The following UNC13D variants were observed in gnomAD, a reference collection of about 807,000 sequenced individuals.
UNC13D encodes protein unc-13 homolog D.
UNC13D carries 115 observed loss-of-function variants against 151.7 expected under a neutral mutation model. The ratio of observed to expected loss-of-function variants is 0.76; its 90% CI spans 0.65 to 0.88. The LOEUF is 0.88. Among genes scored for constraint, UNC13D ranks in the 40% least tolerant of loss-of-function variants. The probability of loss-of-function intolerance (pLI) is 0.00; values close to 1 mark genes in which losing one functional copy is unlikely to be tolerated. For missense variants in UNC13D, 1,369 were observed against 1,438.7 expected, an observed-to-expected ratio of 0.95 and a Z score of 0.78; for synonymous variants, 588 against 612.2, an observed-to-expected ratio of 0.96 and a Z score of 0.58.
In UNC13D at chr17:75,840,371, A is replaced by T. The variant is rs1279204632; in HGVS notation, c.754-42T>A. On this transcript the variant is annotated intron_variant, in intron 9 of 31. Coordinates refer to ENST00000207549, the MANE Select transcript of UNC13D (RefSeq NM_199242.3). This position sits in a 1 kb window ranked among gnomAD's most constrained non-coding sequence, Gnocchi z 4.6. ...CCCAGCCCGTGAGCGTCAGAACCTCATAGAGTCGGGGCAGCGGAGGCGACA... is the reference window on the plus strand; with the variant it reads ...CCCAGCCCGTGAGCGTCAGAACCTCTTAGAGTCGGGGCAGCGGAGGCGACA... The T allele has an allele frequency of 6.2e-7, 1 of 1,609,938 alleles. No individual in the cohort carries two copies. Among genetic ancestry groups the T allele is most frequent in the Non-Finnish European group, 8.5e-7 (1 of 1,177,466 alleles).
intron 12 of UNC13D, among the ~76,000 whole-genome samples, chr17:75,838,064 G>A (rs1345989490): frequency 1.3e-5 from 2 of 152,176 alleles, no homozygotes; most frequent in South Asian, 2.1e-4. Flanking sequence ...TCACCCACCT[G>A]CCTGAGGTCC....
chr17:75,827,382 T>G lies in UNC13D; in HGVS notation c.*583A>C. ...TGTGCCAGCCCTGCCGCCTGCCAGC[T>G]CTTGCTCCCTCAGAGCCAGAAGGTT... On this transcript the variant is annotated 3_prime_UTR_variant, in exon 32 of 32. Coordinates refer to ENST00000207549, the MANE Select transcript of UNC13D (RefSeq NM_199242.3). 7.4e-7 allele frequency: 1 copy of G among 1,346,988 alleles called. No homozygotes were observed. The highest frequency in any genetic ancestry group is 9.7e-7 in the Non-Finnish European group (1 of 1,035,102). 83.4% of individuals were successfully genotyped at this position (1,346,988 alleles called of 1,614,324 possible). A position where few individuals can be genotyped will look rare whatever the true frequency, so the allele number is the denominator to read the frequency against.
Position 75,835,401 on chromosome 17 carries a change from GC to G in UNC13D, c.1848+7del. ...GGGCCCCGCCCCCTGCCCTGGCCAC[GC>G]CCCCACCTCATCCATCTGCACAGCG... On this transcript the variant is annotated splice_region_variant and intron_variant, in intron 20 of 31. Transcript: ENST00000207549. 1 of 1,610,560 alleles carries G rather than the reference GC, an allele frequency of 6.2e-7. No homozygotes were observed. Among genetic ancestry groups the G allele is most frequent in the South Asian group, 1.1e-5 (1 of 90,972 alleles).
Position 75,827,872 on chromosome 17 carries a change from G to A in UNC13D, c.*93C>T. On this transcript the variant is annotated 3_prime_UTR_variant, in exon 32 of 32. Coordinates refer to ENST00000207549, the MANE Select transcript of UNC13D (RefSeq NM_199242.3). ...GCTCCCCAAGTGTTAGGCCAGGCTG[G>A]AGGGCCGCGATGTGGCGGGGAAGCC... 1 of 1,561,580 alleles carries A rather than the reference G, an allele frequency of 6.4e-7. No homozygotes were observed. Among genetic ancestry groups the A allele is most frequent in the East Asian group, 2.4e-5 (1 of 42,306 alleles).
intron 6 of UNC13D, among the ~76,000 whole-genome samples, chr17:75,841,776 G>C (rs1466312813): frequency 2.8e-5 from 4 of 140,456 alleles, no homozygotes; most frequent in Non-Finnish European, 6.1e-5. Context: ...TTGAGACAGA[G>C]TGTCGCTCTG....
chr17:75,839,886 A>G lies in UNC13D; in HGVS notation c.1008T>C (p.Phe336=), dbSNP rs746042735. The change falls in exon 12 of 32, where the codon TTT becomes TTC. Residue 336 remains phenylalanine, a synonymous_variant. Transcript: ENST00000207549. ...ATAGGTCCTTCTGTGTGGCGTGCAGAAAGAGGACGGTGGCAGCCTGGGGAC... is the reference window on the plus strand; with the variant it reads ...ATAGGTCCTTCTGTGTGGCGTGCAGGAAGAGGACGGTGGCAGCCTGGGGAC... ...SLSPQAATVL[F]LHATQKDLSD... The G allele has an allele frequency of 6.2e-7, 1 of 1,613,884 alleles. No individual in the cohort carries two copies. Among genetic ancestry groups the G allele is most frequent in the Middle Eastern group, 1.6e-4 (1 of 6,062 alleles).
In UNC13D at chr17:75,827,968, C is replaced by G; in HGVS notation, c.3270G>C (p.Pro1090=). 1 of 1,607,070 alleles carries G rather than the reference C, an allele frequency of 6.2e-7. No homozygotes were observed. Among genetic ancestry groups the G allele is most frequent in the East Asian group, 2.2e-5 (1 of 44,616 alleles). The change falls in exon 32 of 32, where the codon CCG becomes CCC. Residue 1090 remains proline (P), a synonymous_variant. Transcript: ENST00000207549. ...QASQHALRPA[P] is the part of the protein sequence containing the mutation. The stretch of plus-strand genomic sequence containing the variant: ...GCCCCACCGCAAACCTCTACGGCTA[C>G]GGTGCCGGCCGCAAGGCATGCTGGG...
At position 75,843,251 on chromosome 17, in the gene UNC13D, C is replaced by A; in HGVS notation, c.169G>T (p.Glu57Ter). 6.2e-7 allele frequency: 1 copy of A among 1,608,522 alleles called. No individual in the cohort carries two copies. The highest frequency in any genetic ancestry group is 8.5e-7 in the Non-Finnish European group (1 of 1,179,928). Residue 57 changes from glutamate to a stop codon, truncating the protein, a stop_gained, in exon 3 of 32, where the codon GAG becomes TAG. Coordinates refer to ENST00000207549, the MANE Select transcript of UNC13D (RefSeq NM_199242.3). LOFTEE classifies it high-confidence loss of function. ...TGCAAGACAGTGTAGAGTGCGTCCT[C>A]GTAGAGCAGGGCCCGCTAAGACACA... ...FSPEQRALLY[E>*]DALYTVLHRL...
intron 1 of UNC13D, 65 bp downstream of exon 1, chr17:75,844,156 G>A (rs1409907369): frequency 6.3e-7 from 1 of 1,583,050 alleles, no homozygotes; most frequent in Non-Finnish European, 8.6e-7. Flanking sequence ...AGACAGCAGG[G>A]CACCCGTACC....
Position 75,836,669 on chromosome 17 carries a change from A to T in UNC13D, c.1201T>A (p.Ser401Thr), listed in dbSNP as rs780660153. 4.3e-6 allele frequency: 7 copies of T among 1,613,554 alleles called. No individual in the cohort carries two copies. In the East Asian group the frequency reaches 1.6e-4, roughly 36 times the overall value. The change falls in exon 14 of 32, where the codon TCC becomes ACC. Residue 401 changes from serine to threonine, a missense_variant. Physicochemically the swap from Ser to Thr is moderately conservative, Grantham distance 58 (BLOSUM62 1). Transcript: ENST00000207549. ...AGGGAGAGGCCGTAGGTCAGCAGGGAGCTGAATGAGGCGGCCAGCTCCTCC... is the reference window on the plus strand; with the variant it reads ...AGGGAGAGGCCGTAGGTCAGCAGGGTGCTGAATGAGGCGGCCAGCTCCTCC... ...QQEELAASFSSLLTYGLSLIR... is the reference protein window; with the variant it reads ...QQEELAASFSTLLTYGLSLIR...
At position 75,833,280 on chromosome 17, in the gene UNC13D, C is replaced by A; in HGVS notation, c.2368-235G>T. On this transcript the variant is annotated intron_variant, in intron 24 of 31. Transcript: ENST00000207549. The surrounding 1 kb of genome is among the most constrained non-coding windows in gnomAD (Gnocchi z 4.0). Reference sequence around the variant, plus strand: ...CTGGAACCTTCCAGGCATGGTCCTGCCTCAGGGTCTCTGCCCTTGCCGTTC... The same window carrying A: ...CTGGAACCTTCCAGGCATGGTCCTGACTCAGGGTCTCTGCCCTTGCCGTTC... 2.3e-6 allele frequency: 1 copy of A among 439,924 alleles called. No homozygotes were observed. The highest frequency in any genetic ancestry group is 4.3e-6 in the Non-Finnish European group (1 of 234,910). 27.3% of individuals were successfully genotyped at this position (439,924 alleles called of 1,614,324 possible). A position where few individuals can be genotyped will look rare whatever the true frequency, so the allele number is the denominator to read the frequency against.
Position 75,830,428 on chromosome 17 carries a change from C to A in UNC13D, c.2764G>T (p.Ala922Ser), listed in dbSNP as rs763375427. 1 of 1,585,642 alleles carries A rather than the reference C, an allele frequency of 6.3e-7. No individual in the cohort carries two copies. The highest frequency in any genetic ancestry group is 1.2e-5 in the South Asian group (1 of 86,942). The change falls in exon 29 of 32, where the codon GCC becomes TCC. Residue 922 changes from alanine to serine, a missense_variant. This residue lies in a region of UNC13D where 807 missense variants were observed against 795.5 expected (regional missense o/e 1.01). Coordinates refer to ENST00000207549, the MANE Select transcript of UNC13D (RefSeq NM_199242.3). ...GAVTVKASYRASEQKLRVELL... is the reference protein window; with the variant it reads ...GAVTVKASYRSSEQKLRVELL... ...TCCACACGCAGCTTCTGCTCAGAGG[C>A]GCGGTAGGAGGCCTTGACTGTCACA...
At position 75,835,083 on chromosome 17, in the gene UNC13D, C is replaced by G; in HGVS notation, c.1849-20G>C. ...CACCAGCTGGGGGAAGAAAGGAGGA[C>G]TCAGGATACTGCCAAATCCACCCCC... On this transcript the variant is annotated intron_variant, in intron 20 of 31. Coordinates refer to ENST00000207549, the MANE Select transcript of UNC13D (RefSeq NM_199242.3). 1 of 1,613,386 alleles carries G rather than the reference C, an allele frequency of 6.2e-7. No individual in the cohort carries two copies. The highest frequency in any genetic ancestry group is 1.7e-5 in the Admixed American group (1 of 60,008).
Position 75,832,922 on chromosome 17 carries a change from A to AG in UNC13D, c.2447+43dup, listed in dbSNP as rs1409357526. On this transcript the variant is annotated intron_variant, in intron 25 of 31. Transcript: ENST00000207549. The surrounding 1 kb of genome is among the most constrained non-coding windows in gnomAD (Gnocchi z 4.3). The stretch of plus-strand genomic sequence containing the variant: ...CAGGAAGGAGGGGCCGTGGGAGGAG[A>AG]GGGGGAGGTGGCGAGCGCGCCCAGG... 6.5e-7 allele frequency: 1 copy of AG among 1,535,628 alleles called. No individual in the cohort carries two copies. Among genetic ancestry groups the AG allele is most frequent in the Admixed American group, 2.0e-5 (1 of 50,780 alleles).
intron 1 of UNC13D, chr17:75,843,874 G>C (rs1212779031): frequency 1.0e-5 from 14 of 1,371,712 alleles, no homozygotes; most frequent in Non-Finnish European, 1.2e-5. Flanking sequence ...ACGTCGGCCT[G>C]GGGGTCTGCT....
At position 75,840,948 on chromosome 17, in the gene UNC13D, G is replaced by A. The variant is rs1038930144; in HGVS notation, c.614+9C>T. The A allele has an allele frequency of 3.1e-6, 5 of 1,613,998 alleles. No homozygotes were observed. The South Asian group carries it at 5.5e-5, about 18-fold the overall frequency. On this transcript the variant is annotated intron_variant, in intron 7 of 31. Coordinates refer to ENST00000207549, the MANE Select transcript of UNC13D (RefSeq NM_199242.3). The surrounding 1 kb of genome is among the most constrained non-coding windows in gnomAD (Gnocchi z 4.6). Reference sequence around the variant, plus strand: ...CTTCCCATCCCTAGGGGCAGGCCAGGTCACTCACCACATGTCCAGATGAAA... The same window carrying A: ...CTTCCCATCCCTAGGGGCAGGCCAGATCACTCACCACATGTCCAGATGAAA...
In UNC13D at chr17:75,832,923, G is replaced by T. The variant is rs1286966854; in HGVS notation, c.2447+43C>A. On this transcript the variant is annotated intron_variant, in intron 25 of 31. Coordinates refer to ENST00000207549, the MANE Select transcript of UNC13D (RefSeq NM_199242.3). The surrounding 1 kb of genome is among the most constrained non-coding windows in gnomAD (Gnocchi z 4.3). ...AGGAAGGAGGGGCCGTGGGAGGAGA[G>T]GGGGAGGTGGCGAGCGCGCCCAGGG... 6.5e-7 allele frequency: 1 copy of T among 1,542,342 alleles called. No homozygotes were observed. The highest frequency in any genetic ancestry group is 8.8e-7 in the Non-Finnish European group (1 of 1,136,526).
chr17:75,828,976 G>A lies in UNC13D; in HGVS notation c.2962C>T (p.Pro988Ser). The change falls in exon 31 of 32, where the codon CCT (proline) becomes TCT (serine). Residue 988 changes from proline to serine, a missense_variant. By Grantham distance (74) the Pro-to-Ser change is moderately conservative. Coordinates refer to ENST00000207549, the MANE Select transcript of UNC13D (RefSeq NM_199242.3). ...LFDETFEFLVPAEPCRKAGAC... is the reference protein window; with the variant it reads ...LFDETFEFLVSAEPCRKAGAC... ...CCAGCCTTGCGGCACGGCTCAGCAG[G>A]CACCAGGCTGCGGGGAGAGTCAGGG... The A allele has an allele frequency of 6.2e-7, 1 of 1,602,912 alleles. No individual in the cohort carries two copies. Among genetic ancestry groups the A allele is most frequent in the Non-Finnish European group, 8.5e-7 (1 of 1,179,324 alleles).
At chr17:75,834,757 G>A (rs1481611264) in intron 21 of UNC13D, 41 bp from the exon 22 acceptor site, 1 of 1,610,554 alleles carries the variant, frequency 6.2e-7, no homozygotes. Flanking sequence ...CCATGGGTGG[G>A]GCATCCAGGA....
Sources: gnomAD v4.1 joint callset for allele counts (sites outside exome capture counted in the v4.1 genomes callset) on GRCh38, gnomAD v4.1.1 for gene constraint, gnomAD v4.1.1 regional missense constraint, Gnocchi (gnomAD v3.1) non-coding constraint, MANE v1.5 for transcripts, NCBI Gene and HGNC (gene_info 2026-07-23, HGNC 2026-07-21) for gene names.